ZNF385D: variants seen among roughly 807,000 people sequenced by gnomAD.
ZNF385D encodes the protein zinc finger protein 385D.
Under a neutral mutation model 35.8 loss-of-function variants are expected in ZNF385D, and 15 were observed. That is an observed-to-expected ratio of 0.42 (90% CI 0.28 to 0.64). The LOEUF (loss-of-function observed/expected upper bound fraction) is 0.64. Ranked by LOEUF, ZNF385D falls within the 30% of genes least tolerant of loss-of-function variation. The pLI, the probability that ZNF385D is intolerant of heterozygous loss-of-function variation, is 0.23. For missense variants in ZNF385D, 474 were observed against 494.6 expected, an observed-to-expected ratio of 0.96 and a Z score of 0.39; for synonymous variants, 212 against 186.8, an observed-to-expected ratio of 1.13 and a Z score of -1.10.
At chr3:22,322,105 T>C (rs989748622) in intron 2 of ZNF385D, among the ~76,000 whole-genome samples, 3 of 152,156 alleles carry the variant, frequency 2.0e-5, no homozygotes, top group African/African-American at 7.2e-5. Context: ...TGATATATAC[T>C]TTGTATTTTT....
intron 3 of ZNF385D, among the ~76,000 whole-genome samples, chr3:21,993,630 CT>C (rs1485071022): frequency 7.9e-5 from 12 of 152,062 alleles, no homozygotes; most frequent in Non-Finnish European, 1.6e-4. Flanking sequence ...ATAAAAACAT[CT>C]AGTGGAATTA....
chr3:22,038,395 T>G (rs753158974), intron 3 of ZNF385D, among the ~76,000 whole-genome samples: 4 of 152,154 alleles, frequency 2.6e-5, no homozygotes, highest in Non-Finnish European at 1.5e-5. Flanking sequence ...GTTACCTAAT[T>G]TTTCTTGGCC....
chr3:22,011,837 C>T (rs894257267), intron 3 of ZNF385D, among the ~76,000 whole-genome samples: 1 of 152,064 alleles, frequency 6.6e-6, no homozygotes, highest in Non-Finnish European at 1.5e-5. Flanking sequence ...CAATGGATAT[C>T]TATCTAACTG....
intron 2 of ZNF385D, among the ~76,000 whole-genome samples, chr3:22,263,977 A>G (rs765764965): frequency 4.6e-5 from 7 of 151,974 alleles, no homozygotes; most frequent in Non-Finnish European, 1.0e-4. Context: ...CTAAACAGAA[A>G]TCACTTTCTT....
At chr3:21,770,037 G>A in intron 3 of ZNF385D, among the ~76,000 whole-genome samples, 1 of 152,190 alleles carries the variant, frequency 6.6e-6, no homozygotes, top group Middle Eastern at 3.4e-3. Flanking sequence ...TTGCCATATG[G>A]AGAAAGCGGA....
In ZNF385D at chr3:22,264,395, G is replaced by A. The variant is rs1036000233; in HGVS notation, c.107-95360C>T. Reference sequence around the variant, plus strand: ...GTGGTGAATGCTTACTAAAAGCCAAGACAATTGATCAGTGGCAGGGCTGTG... The same window carrying A: ...GTGGTGAATGCTTACTAAAAGCCAAAACAATTGATCAGTGGCAGGGCTGTG... On this transcript the variant is annotated intron_variant, in intron 2 of 5. Transcript: ENST00000494108. Among the ~76,000 whole-genome samples the A allele has an allele frequency of 3.3e-5, 5 of 152,112 alleles. No homozygotes were observed. In the South Asian group the frequency reaches 1.0e-3, roughly 32 times the overall value.
intron 3 of ZNF385D, among the ~76,000 whole-genome samples, chr3:21,770,587 C>A (rs1363870809): frequency 6.6e-6 from 1 of 152,116 alleles, no homozygotes; most frequent in Non-Finnish European, 1.5e-5. Context: ...AGTGAGGAAA[C>A]AACAGGTGCT....
chr3:21,964,842 T>C (rs1702818149), intron 3 of ZNF385D, among the ~76,000 whole-genome samples: 1 of 152,148 alleles, frequency 6.6e-6, no homozygotes, highest in Non-Finnish European at 1.5e-5. Flanking sequence ...TGTTCAAAGG[T>C]AATAATTTCT....
At chr3:21,574,601 A>G (rs775571637) in intron 2 of ZNF385D, among the ~76,000 whole-genome samples, 1 of 152,126 alleles carries the variant, frequency 6.6e-6, no homozygotes, top group Non-Finnish European at 1.5e-5. Context: ...AATCATTATC[A>G]TTATAAATAT....
intron 3 of ZNF385D, among the ~76,000 whole-genome samples, chr3:21,878,650 A>C (rs1224829867): frequency 1.3e-5 from 2 of 152,056 alleles, no homozygotes; most frequent in African/African-American, 4.8e-5. Flanking sequence ...CTGTAATGAA[A>C]CATATTTAAA....
At chr3:21,807,750 T>C (rs1000411752) in intron 3 of ZNF385D, among the ~76,000 whole-genome samples, 1 of 152,188 alleles carries the variant, frequency 6.6e-6, no homozygotes, top group Admixed American at 6.5e-5. Flanking sequence ...CTTGAGCTTT[T>C]CAGAACATCA....
intron 2 of ZNF385D, among the ~76,000 whole-genome samples, chr3:22,181,478 C>T (rs375918100): frequency 2.6e-5 from 4 of 151,932 alleles, no homozygotes; most frequent in East Asian, 3.9e-4. Flanking sequence ...GGGCGGATCA[C>T]GAGGTCAGGA....
Position 21,613,330 on chromosome 3 carries a change from G to T in ZNF385D, c.166-48646C>A, listed in dbSNP as rs565167269. On this transcript the variant is annotated intron_variant, in intron 2 of 7. Coordinates refer to ENST00000281523, the MANE Select transcript of ZNF385D (RefSeq NM_024697.3). ...CAAAATGAGAAGATAGACAAAGAAA[G>T]AAGTCAGAAGATAAAAAAAAAAATG... Among the ~76,000 whole-genome samples the T allele has an allele frequency of 6.5e-5, 9 of 138,514 alleles. No homozygotes were observed. The South Asian group carries it at 2.3e-3, about 35-fold the overall frequency. 90.9% of individuals were successfully genotyped at this position (138,514 alleles called of 152,430 possible).
At chr3:21,619,185 C>T (rs2064931169) in intron 2 of ZNF385D, among the ~76,000 whole-genome samples, 1 of 152,162 alleles carries the variant, frequency 6.6e-6, no homozygotes, top group South Asian at 2.1e-4. Flanking sequence ...TGTCCTGTTT[C>T]TTATCCCATA....
intron 2 of ZNF385D, among the ~76,000 whole-genome samples, chr3:21,585,073 CGA>C (rs2063772879): frequency 2.6e-5 from 4 of 151,802 alleles, no homozygotes; most frequent in Non-Finnish European, 4.4e-5. Flanking sequence ...TGAAATATAA[CGA>C]GAGTTATTTC....
chr3:22,090,647 TACA>T (rs1404897575), intron 3 of ZNF385D, among the ~76,000 whole-genome samples: 1 of 152,104 alleles, frequency 6.6e-6, no homozygotes, highest in Non-Finnish European at 1.5e-5. Flanking sequence ...TTGAGTAAAT[TACA>T]ACAACAGTGA....
intron 3 of ZNF385D, among the ~76,000 whole-genome samples, chr3:21,783,655 C>T (rs1020855468): frequency 6.6e-6 from 1 of 152,084 alleles, no homozygotes; most frequent in African/African-American, 2.4e-5. Flanking sequence ...TCCTTGTTCC[C>T]ACCATGTCTG....
chr3:21,617,349 A>C (rs964379511), intron 2 of ZNF385D, among the ~76,000 whole-genome samples: 3 of 152,210 alleles, frequency 2.0e-5, no homozygotes, highest in African/African-American at 7.2e-5. Flanking sequence ...ACTGGGTTTG[A>C]GTCGTAGCTC....
At chr3:21,883,204 AT>A (rs996475883) in intron 3 of ZNF385D, among the ~76,000 whole-genome samples, 1 of 151,902 alleles carries the variant, frequency 6.6e-6, no homozygotes, top group African/African-American at 2.4e-5. Context: ...CAAGAGCTCA[AT>A]TTTTTTATTA....
Sources: gnomAD v4.1 joint callset for allele counts (sites outside exome capture counted in the v4.1 genomes callset) on GRCh38, gnomAD v4.1.1 for gene constraint, MANE v1.5 for transcripts, NCBI Gene and HGNC (gene_info 2026-07-23, HGNC 2026-07-21) for gene names.